Variants in DCC observed in about 807,000 individuals in gnomAD.
DCC encodes the protein DCC netrin 1 receptor, also known as netrin receptor DCC.
Under a neutral mutation model 172.5 loss-of-function variants are expected in DCC, and 58 were observed. The observed-to-expected ratio is 0.34, with a 90% confidence interval of 0.27 to 0.42. DCC has a LOEUF of 0.42. Among genes scored for constraint, DCC ranks in the 10% least tolerant of loss-of-function variants. The pLI, the probability that DCC is intolerant of heterozygous loss-of-function variation, is 1.00. For synonymous variants in DCC, 709 were observed against 644.5 expected (o/e 1.10, Z -1.52); for missense variants, 1,740 against 1,791.0 (o/e 0.97, Z 0.51).
At chr18:53,460,580 T>C (rs2045545381) in intron 24 of DCC, among the ~76,000 whole-genome samples, 1 of 151,964 alleles carries the variant, frequency 6.6e-6, no homozygotes, top group Non-Finnish European at 1.5e-5. Context: ...TGATTTCCAG[T>C]TTCATCCATG....
intron 9 of DCC, among the ~76,000 whole-genome samples, chr18:53,194,866 A>G (rs529896659): frequency 2.0e-5 from 3 of 152,210 alleles, no homozygotes; most frequent in Non-Finnish European, 4.4e-5. Flanking sequence ...CTTTGCATAC[A>G]TAATCTCTTC....
chr18:53,514,474 CAA>C (rs34181011), intron 27 of DCC, among the ~76,000 whole-genome samples: 18 of 151,494 alleles, frequency 1.2e-4, no homozygotes, highest in Admixed American at 2.0e-4. Context: ...AACAGAGACA[CAA>C]AAAAAACCCT....
At chr18:52,512,261 T>C (rs2031469111) in intron 1 of DCC, among the ~76,000 whole-genome samples, 1 of 152,198 alleles carries the variant, frequency 6.6e-6, no homozygotes, top group Non-Finnish European at 1.5e-5. Flanking sequence ...TGTGGCCAAG[T>C]CCTCCATCTA....
intron 2 of DCC, among the ~76,000 whole-genome samples, chr18:52,819,273 G>A (rs1175258448): frequency 1.3e-5 from 2 of 151,980 alleles, no homozygotes; most frequent in Non-Finnish European, 2.9e-5. Flanking sequence ...TGCTTTCACT[G>A]GTAAAATCCA....
At chr18:52,387,654 A>T (rs1985866285) in intron 1 of DCC, among the ~76,000 whole-genome samples, 1 of 131,706 alleles carries the variant, frequency 7.6e-6, no homozygotes, top group South Asian at 2.3e-4. Flanking sequence ...AGCTTTAATG[A>T]AGTATGATCT....
intron 1 of DCC, among the ~76,000 whole-genome samples, chr18:52,618,363 A>G (rs1389961701): frequency 3.9e-5 from 6 of 152,172 alleles, no homozygotes; most frequent in Non-Finnish European, 8.8e-5. Flanking sequence ...ATTTGTTTCT[A>G]TATAATCCCC....
chr18:52,528,432 C>A (rs2032047306), intron 1 of DCC, among the ~76,000 whole-genome samples: 1 of 152,066 alleles, frequency 6.6e-6, no homozygotes, highest in African/African-American at 2.4e-5. Context: ...GGAATTTTGA[C>A]CATATTTCTG....
At chr18:52,883,181 T>C (rs1169500261) in intron 2 of DCC, among the ~76,000 whole-genome samples, 2 of 152,116 alleles carry the variant, frequency 1.3e-5, no homozygotes, top group Admixed American at 6.6e-5. Context: ...CAACAGATCA[T>C]TGGGTCTCAT....
chr18:53,511,463 T>C (rs779284881), intron 27 of DCC, among the ~76,000 whole-genome samples: 6 of 152,224 alleles, frequency 3.9e-5, no homozygotes, highest in Non-Finnish European at 7.3e-5. Flanking sequence ...GAAGCCAAGA[T>C]GGCCGAATAG....
intron 1 of DCC, among the ~76,000 whole-genome samples, chr18:52,559,471 G>T (rs968631541): frequency 2.6e-5 from 4 of 152,120 alleles, no homozygotes; most frequent in Non-Finnish European, 4.4e-5. Context: ...TGTAAAAAGA[G>T]ATTCCCTCTC....
At position 53,012,621 on chromosome 18, in the gene DCC, A is replaced by G. The variant is rs749805630; in HGVS notation, c.986-50684A>G. Reference sequence around the variant, plus strand: ...CATAAATATACACACACATACACATATGAATATTAATCATGTGATACAGTT... The same window carrying G: ...CATAAATATACACACACATACACATGTGAATATTAATCATGTGATACAGTT... On this transcript the variant is annotated intron_variant, in intron 5 of 28. Coordinates refer to ENST00000442544, the MANE Select transcript of DCC (RefSeq NM_005215.4). Among the ~76,000 whole-genome samples, 81 of 152,188 alleles carry G rather than the reference A, an allele frequency of 5.3e-4. 3 individuals carry two copies. Among genetic ancestry groups the G allele is most frequent in the Middle Eastern group, 3.4e-3 (1 of 294 alleles).
chr18:52,363,643 C>T (rs760063542), intron 1 of DCC, among the ~76,000 whole-genome samples: 1 of 150,198 alleles, frequency 6.7e-6, no homozygotes, highest in Non-Finnish European at 1.5e-5. Flanking sequence ...GAGAACTAGG[C>T]TCTACTGGTC....
intron 1 of DCC, among the ~76,000 whole-genome samples, chr18:52,446,912 T>G (rs979951858): frequency 1.4e-4 from 21 of 152,242 alleles, no homozygotes; most frequent in African/African-American, 5.1e-4. Context: ...AGAGAGACAT[T>G]TCAATTCAAT....
At chr18:52,840,902 G>A (rs1276817281) in intron 2 of DCC, among the ~76,000 whole-genome samples, 3 of 152,042 alleles carry the variant, frequency 2.0e-5, no homozygotes, top group East Asian at 3.9e-4. Context: ...TCAGGAAGGA[G>A]AAATGATAAA....
chr18:52,587,739 C>T (rs530625646), intron 1 of DCC, among the ~76,000 whole-genome samples: 46 of 152,298 alleles, frequency 3.0e-4, no homozygotes, highest in African/African-American at 9.6e-4. Flanking sequence ...GGCTGTAGTG[C>T]TGCAGCTGTC....
chr18:53,113,312 G>A (rs920871392), intron 7 of DCC, among the ~76,000 whole-genome samples: 1 of 151,168 alleles, frequency 6.6e-6, no homozygotes, highest in Non-Finnish European at 1.5e-5. Context: ...TTATGTAGTT[G>A]GATATAATTT....
intron 7 of DCC, among the ~76,000 whole-genome samples, chr18:53,130,623 CA>C (rs2043637185): frequency 6.6e-6 from 1 of 152,020 alleles, no homozygotes; most frequent in South Asian, 2.1e-4. Flanking sequence ...GTGCCTAACA[CA>C]AAATTCCGAA....
At chr18:53,083,519 T>TA (rs546401251) in intron 7 of DCC, among the ~76,000 whole-genome samples, 378 of 152,326 alleles carry the variant, frequency 2.5e-3, no homozygotes, top group African/African-American at 8.7e-3. Flanking sequence ...AAGGAACAGT[T>TA]AACATTCTGA....
At chr18:53,519,810 A>C (rs1248648930) in intron 27 of DCC, among the ~76,000 whole-genome samples, 1 of 152,164 alleles carries the variant, frequency 6.6e-6, no homozygotes, top group East Asian at 1.9e-4. Context: ...AGATCTACCA[A>C]CATAGAAAAA....
Sources: gnomAD v4.1 joint callset for allele counts (sites outside exome capture counted in the v4.1 genomes callset) on GRCh38, gnomAD v4.1.1 for gene constraint, MANE v1.5 for transcripts, NCBI Gene and HGNC (gene_info 2026-07-23, HGNC 2026-07-21) for gene names.